The following RASSF3 variants were observed in gnomAD, a reference collection of about 807,000 sequenced individuals.
RASSF3 encodes Ras association domain family member 3.
Under a neutral mutation model 19.9 loss-of-function variants are expected in RASSF3, and 19 were observed. The observed-to-expected ratio is 0.96, with a 90% CI of 0.67 to 1.40. The LOEUF (loss-of-function observed/expected upper bound fraction) is 1.40. Ranked by LOEUF, RASSF3 falls within the 40% of genes most tolerant of loss-of-function variation. The pLI is 0.00. For synonymous variants in RASSF3, 110 were observed against 104.2 expected, an observed-to-expected ratio of 1.06 and a Z score of -0.34; for missense variants, 306 against 289.8, an observed-to-expected ratio of 1.06 and a Z score of -0.41.
chr12:64,684,660 A>G (rs1169871691), intron 1 of RASSF3, 127 bp from the exon 2 acceptor site: 3 of 619,438 alleles, frequency 4.8e-6, no homozygotes, highest in Non-Finnish European at 5.8e-6. Flanking sequence ...TGAACTCCCA[A>G]CCTCAGGTGA....
At chr12:64,596,652 C>T (rs776329235) in intron 2 of RASSF3, among the ~76,000 whole-genome samples, 2 of 152,226 alleles carry the variant, frequency 1.3e-5, no homozygotes, top group Non-Finnish European at 2.9e-5. Context: ...CATGCCCCAA[C>T]ACTCTTTTCT....
rs543670515 is a variant in RASSF3 at position 64,611,111 on chromosome 12, G to T, written c.111+368G>T. Among the ~76,000 whole-genome samples the T allele has an allele frequency of 5.3e-4, 80 of 152,288 alleles. No homozygotes were observed. In the East Asian group the frequency reaches 0.014, roughly 26 times the overall value. On this transcript the variant is annotated intron_variant, in intron 1 of 4. Coordinates refer to ENST00000542104, the MANE Select transcript of RASSF3 (RefSeq NM_178169.4). ...GCGTCCCCGCTGGGTCGACGGTCGG[G>T]TTCGCGCGCCTGTCCTTCCTGTTAG... is the stretch of plus-strand genomic sequence containing the variant.
chr12:64,687,536 G>A (rs1873407007), intron 2 of RASSF3, among the ~76,000 whole-genome samples: 1 of 151,274 alleles, frequency 6.6e-6, no homozygotes, highest in African/African-American at 2.4e-5. Flanking sequence ...GTGCAATGGC[G>A]TGATCTTGGC....
In RASSF3 at chr12:64,631,526, C is replaced by T. The variant is rs911578476; in HGVS notation, c.111+20783C>T. ...GCGAGGGAAGTGGTAAGGGTGTTGTCATCGTATGTAATGTATGTATGTATG... is the reference window on the plus strand; with the variant it reads ...GCGAGGGAAGTGGTAAGGGTGTTGTTATCGTATGTAATGTATGTATGTATG... On this transcript the variant is annotated intron_variant, in intron 1 of 4. Transcript: ENST00000542104. Among the ~76,000 whole-genome samples, 5 of 147,870 alleles carry T rather than the reference C, an allele frequency of 3.4e-5. No individual in the cohort carries two copies. The East Asian group carries it at 6.0e-4, about 18-fold the overall frequency.
intron 1 of RASSF3, among the ~76,000 whole-genome samples, chr12:64,536,500 T>A (rs1474147240): frequency 6.6e-6 from 1 of 152,216 alleles, no homozygotes; most frequent in Non-Finnish European, 1.5e-5. Flanking sequence ...GCTCTCTAAT[T>A]CAATTTGTCT....
At chr12:64,683,084 GT>G (rs1414637803) in intron 1 of RASSF3, among the ~76,000 whole-genome samples, 2 of 152,172 alleles carry the variant, frequency 1.3e-5, no homozygotes, top group African/African-American at 4.8e-5. Context: ...TAACGTAGGG[GT>G]GCTAATTAGC....
Position 64,610,546 on chromosome 12 carries a change from G to A in RASSF3, c.-87G>A, listed in dbSNP as rs1342325623. 3.6e-6 allele frequency: 2 copies of A among 554,080 alleles called. No homozygotes were observed. The highest frequency in any genetic ancestry group is 5.3e-6 in the Non-Finnish European group (2 of 376,278). The allele number at this position is 554,080 out of a possible 1,614,324, so 34.3% of individuals were successfully genotyped here. A position where few individuals can be genotyped will look rare whatever the true frequency, so the allele number is the denominator to read the frequency against. ...AGGACTGCCCGGGGCTGCGCGCCGG[G>A]AACCTCGCGGGGCTGGCGGGCGCCG... is the stretch of plus-strand genomic sequence containing the variant. On this transcript the variant is annotated 5_prime_UTR_variant, in exon 1 of 5. Coordinates refer to ENST00000542104, the MANE Select transcript of RASSF3 (RefSeq NM_178169.4).
intron 1 of RASSF3, among the ~76,000 whole-genome samples, chr12:64,666,665 C>G (rs1872546069): frequency 6.6e-6 from 1 of 152,184 alleles, no homozygotes; most frequent in Admixed American, 6.5e-5. Context: ...GATACTTCCT[C>G]CTACAGGGAA....
chr12:64,586,888 A>G (rs2136138384), intron 2 of RASSF3, among the ~76,000 whole-genome samples: 1 of 151,970 alleles, frequency 6.6e-6, no homozygotes, highest in East Asian at 2.0e-4. Context: ...ATGGCACTGC[A>G]CTCCAGCTTG....
At chr12:64,570,021 T>G (rs1365161307) in intron 2 of RASSF3, among the ~76,000 whole-genome samples, 3 of 152,108 alleles carry the variant, frequency 2.0e-5, no homozygotes, top group Admixed American at 1.3e-4. Context: ...ACTAAAAATA[T>G]CGGGTCTGCC....
chr12:64,648,587 A>C (rs1188439427), intron 1 of RASSF3, among the ~76,000 whole-genome samples: 10 of 150,906 alleles, frequency 6.6e-5, no homozygotes, highest in South Asian at 4.2e-4. Flanking sequence ...GATTCAAGCG[A>C]TTATCCTGCC....
At chr12:64,536,449 G>A (rs759539486) in intron 1 of RASSF3, among the ~76,000 whole-genome samples, 3 of 152,194 alleles carry the variant, frequency 2.0e-5, no homozygotes, top group Non-Finnish European at 4.4e-5. Flanking sequence ...TTCCTGTGTT[G>A]TTAGTGAATT....
At chr12:64,616,603 A>T (rs1314269493) in intron 1 of RASSF3, among the ~76,000 whole-genome samples, 4 of 152,304 alleles carry the variant, frequency 2.6e-5, no homozygotes, top group East Asian at 1.9e-4. Context: ...TTCAGAGGGG[A>T]TGGTGAAAAG....
At chr12:64,553,964 G>A (rs2136122388) in intron 2 of RASSF3, among the ~76,000 whole-genome samples, 1 of 138,334 alleles carries the variant, frequency 7.2e-6, no homozygotes, top group East Asian at 2.1e-4. Flanking sequence ...GTGACAGAGT[G>A]AGATCCTGTC....
chr12:64,561,198 C>A (rs1490109680), intron 2 of RASSF3, among the ~76,000 whole-genome samples: 2 of 152,184 alleles, frequency 1.3e-5, no homozygotes, highest in African/African-American at 4.8e-5. Context: ...CACAGCCTCC[C>A]ACCAGGTCCC....
At chr12:64,689,191 G>A (rs1873477765) in intron 3 of RASSF3, among the ~76,000 whole-genome samples, 1 of 150,942 alleles carries the variant, frequency 6.6e-6, no homozygotes. Flanking sequence ...TAGTGATTCA[G>A]TGACTCACTA....
chr12:64,657,057 T>C (rs1367843097), intron 1 of RASSF3, among the ~76,000 whole-genome samples: 1 of 150,592 alleles, frequency 6.6e-6, no homozygotes, highest in African/African-American at 2.4e-5. Context: ...TCGCCCAGGC[T>C]GGAGTGCAAT....
At chr12:64,668,256 T>TTTCTTCTTCTTCTTCTTCTTCTTC (rs139462401) in intron 1 of RASSF3, among the ~76,000 whole-genome samples, 2 of 148,810 alleles carry the variant, frequency 1.3e-5, no homozygotes, top group African/African-American at 5.0e-5. Flanking sequence ...TACCAATCCT[T>TTTCTTCTTCTTCTTCTTCTTCTTC]TTCTTCTTCT....
At chr12:64,668,283 T>G (rs1483245598) in intron 1 of RASSF3, among the ~76,000 whole-genome samples, 1 of 101,948 alleles carries the variant, frequency 9.8e-6, no homozygotes, top group Non-Finnish European at 2.4e-5. Flanking sequence ...TTTTTTTTTT[T>G]TCTCTTCAAT....
Sources: gnomAD v4.1 joint callset for allele counts (sites outside exome capture counted in the v4.1 genomes callset) on GRCh38, gnomAD v4.1.1 for gene constraint, MANE v1.5 for transcripts, NCBI Gene and HGNC (gene_info 2026-07-23, HGNC 2026-07-21) for gene names.